The following NAALADL2 variants were observed in gnomAD, a reference collection of about 807,000 sequenced individuals.
NAALADL2 encodes N-acetylated alpha-linked acidic dipeptidase like 2.
NAALADL2 carries 76 observed loss-of-function variants against 87.2 expected under a neutral mutation model. The ratio of observed to expected loss-of-function variants is 0.87; its 90% CI spans 0.72 to 1.05. NAALADL2 has a LOEUF of 1.05. Ranked by LOEUF, NAALADL2 falls within the 50% of genes least tolerant of loss-of-function variation. NAALADL2 has a pLI of 0.00. For missense variants in NAALADL2, 1,089 were observed against 945.8 expected, an observed-to-expected ratio of 1.15 and a Z score of -1.99; for synonymous variants, 354 against 331.0, an observed-to-expected ratio of 1.07 and a Z score of -0.75.
Position 174,715,028 on chromosome 3 carries a change from A to T in NAALADL2, c.-114-22613A>T, listed in dbSNP as rs184704766. On this transcript the variant is annotated intron_variant, in intron 2 of 3. Transcript: ENST00000434257. ...ATGAAGAGTTGTTGAATTTTGTCAA[A>T]GGCCTTTTCTGCATCTATTGAGATA... 1.6e-4 allele frequency among the ~76,000 whole-genome samples: 24 copies of T among 152,310 alleles called. No individual in the cohort carries two copies. The East Asian group carries it at 4.6e-3, about 29-fold the overall frequency.
intron 11 of NAALADL2, among the ~76,000 whole-genome samples, chr3:175,664,235 CT>C (rs1732660100): frequency 6.6e-6 from 1 of 151,992 alleles, no homozygotes; most frequent in African/African-American, 2.4e-5. Context: ...TAGAACTACC[CT>C]TTTAGGCTGT....
At chr3:175,313,371 A>G (rs114802135) in intron 4 of NAALADL2, among the ~76,000 whole-genome samples, 119 of 152,280 alleles carry the variant, frequency 7.8e-4, no homozygotes, top group Middle Eastern at 3.4e-3. Flanking sequence ...CTTCTTATCT[A>G]CATGAAGATT....
chr3:174,891,331 C>T (rs1368935439), intron 1 of NAALADL2, among the ~76,000 whole-genome samples: 2 of 151,966 alleles, frequency 1.3e-5, no homozygotes, highest in Non-Finnish European at 2.9e-5. Flanking sequence ...AGAGAAACAC[C>T]TTATACGAAC....
intron 11 of NAALADL2, among the ~76,000 whole-genome samples, chr3:175,688,687 G>A (rs1736647567): frequency 1.3e-5 from 2 of 152,126 alleles, no homozygotes; most frequent in South Asian, 2.1e-4. Flanking sequence ...AGAGGAGGGT[G>A]GATGGAGGGG....
At chr3:175,793,307 CT>C (rs66905230) in intron 13 of NAALADL2, among the ~76,000 whole-genome samples, 21,459 of 116,610 alleles carry the variant, frequency 0.18, 1,543 homozygotes, top group African/African-American at 0.21. Flanking sequence ...CATTTTCTTT[CT>C]TTTTTTTTTT....
intron 9 of NAALADL2, among the ~76,000 whole-genome samples, chr3:175,516,418 G>A (rs1006436824): frequency 5.9e-5 from 9 of 152,292 alleles, no homozygotes; most frequent in South Asian, 2.1e-4. Context: ...TGAGATAAGT[G>A]TGTGTGATAA....
At chr3:175,698,503 A>ATATATATATATAT (rs1491393693) in intron 11 of NAALADL2, among the ~76,000 whole-genome samples, 4 of 141,338 alleles carry the variant, frequency 2.8e-5, no homozygotes, top group African/African-American at 8.2e-5. Flanking sequence ...ATATATATAT[A>ATATATATATATAT]AAATCTCCAA....
At chr3:175,230,985 T>C (rs966867916) in intron 2 of NAALADL2, among the ~76,000 whole-genome samples, 4 of 152,020 alleles carry the variant, frequency 2.6e-5, no homozygotes, top group African/African-American at 9.7e-5. Context: ...TTTACAATAG[T>C]GAAAAGCTGA....
intron 2 of NAALADL2, among the ~76,000 whole-genome samples, chr3:174,675,223 A>C (rs1726932985): frequency 6.6e-6 from 1 of 152,060 alleles, no homozygotes; most frequent in Non-Finnish European, 1.5e-5. Context: ...GTGAGGAAAA[A>C]CACCTAAAGG....
chr3:175,277,225 C>T (rs990807452), intron 4 of NAALADL2, among the ~76,000 whole-genome samples: 6 of 152,104 alleles, frequency 3.9e-5, no homozygotes, highest in Non-Finnish European at 7.4e-5. Context: ...ACTAGAAAAA[C>T]TTCTACAGTG....
At position 175,001,018 on chromosome 3, in the gene NAALADL2, G is replaced by C. The variant is rs140722112; in HGVS notation, c.44-95772G>C. 4.3e-4 allele frequency among the ~76,000 whole-genome samples: 65 copies of C among 152,284 alleles called. 1 individual carries two copies. The East Asian group carries it at 7.2e-3, about 17-fold the overall frequency. ...TCCAGTCCCATTTATGGGATCCATA[G>C]CTAGGGTGGCCAATTAACCTGTCAT... On this transcript the variant is annotated intron_variant, in intron 1 of 13. Transcript: ENST00000454872.
chr3:175,032,327 A>AT (rs929114494), intron 1 of NAALADL2, among the ~76,000 whole-genome samples: 30 of 152,032 alleles, frequency 2.0e-4, no homozygotes, highest in African/African-American at 3.1e-4. Flanking sequence ...AAAAATTAGC[A>AT]TTTTTTTAAC....
rs368311773 is a variant in NAALADL2 at position 175,097,311 on chromosome 3, A to G, written c.545+20A>G. 2.5e-5 allele frequency: 40 copies of G among 1,587,644 alleles called. No individual in the cohort carries two copies. The highest frequency in any genetic ancestry group is 1.7e-4 in the Middle Eastern group (1 of 5,928). The stretch of plus-strand genomic sequence containing the variant: ...TTTCAGGTAGGTGAAGAAGAAACAG[A>G]TGTTGTTTGAATGCATTTCTTGGGA... On this transcript the variant is annotated intron_variant, in intron 2 of 13. Coordinates refer to ENST00000454872, the MANE Select transcript of NAALADL2 (RefSeq NM_207015.3).
At chr3:175,578,962 C>T (rs1056920642) in intron 10 of NAALADL2, among the ~76,000 whole-genome samples, 8 of 152,176 alleles carry the variant, frequency 5.3e-5, no homozygotes, top group African/African-American at 1.9e-4. Flanking sequence ...AACTAAGGGT[C>T]AAATGTTTCA....
At chr3:174,565,887 G>C (rs775532919) in intron 2 of NAALADL2, among the ~76,000 whole-genome samples, 27 of 151,962 alleles carry the variant, frequency 1.8e-4, no homozygotes, top group Non-Finnish European at 3.5e-4. Flanking sequence ...TATCCCATCA[G>C]ACATTTCCTT....
At chr3:175,000,084 T>G (rs920474140) in intron 1 of NAALADL2, among the ~76,000 whole-genome samples, 1 of 152,208 alleles carries the variant, frequency 6.6e-6, no homozygotes, top group Non-Finnish European at 1.5e-5. Flanking sequence ...ATCTAAAATA[T>G]AAATAAACTT....
intron 5 of NAALADL2, among the ~76,000 whole-genome samples, chr3:175,337,879 A>G (rs1581478750): frequency 6.6e-6 from 1 of 152,304 alleles, no homozygotes; most frequent in East Asian, 1.9e-4. Flanking sequence ...GATTAGGTGT[A>G]AGTAACCTGT....
chr3:174,788,850 G>A (rs1717118635), intron 3 of NAALADL2, among the ~76,000 whole-genome samples: 2 of 152,224 alleles, frequency 1.3e-5, no homozygotes, highest in East Asian at 1.9e-4. Flanking sequence ...ATTAATCTTG[G>A]TTGCCTAAAT....
chr3:174,908,449 A>G (rs192588865), intron 1 of NAALADL2, among the ~76,000 whole-genome samples: 1 of 152,224 alleles, frequency 6.6e-6, no homozygotes, highest in South Asian at 2.1e-4. Flanking sequence ...CCATCAGTCA[A>G]CGATGGCTCT....
Sources: gnomAD v4.1 joint callset for allele counts (sites outside exome capture counted in the v4.1 genomes callset) on GRCh38, gnomAD v4.1.1 for gene constraint, MANE v1.5 for transcripts, NCBI Gene and HGNC (gene_info 2026-07-23, HGNC 2026-07-21) for gene names.